Variants in PPP2R5A observed in about 807,000 individuals in gnomAD.
PPP2R5A encodes protein phosphatase 2 regulatory subunit B'alpha.
A neutral mutation model predicts 64.2 loss-of-function variants in PPP2R5A; 25 were observed. The ratio of observed to expected loss-of-function variants is 0.39; its 90% confidence interval spans 0.28 to 0.54. PPP2R5A has a LOEUF of 0.54. PPP2R5A is among the 20% of genes least tolerant of loss of function. The probability of loss-of-function intolerance (pLI) is 0.67; values close to 1 mark genes in which losing one functional copy is unlikely to be tolerated. For synonymous variants in PPP2R5A, 198 were observed against 201.2 expected, an observed-to-expected ratio of 0.98 and a Z score of 0.13; for missense variants, 425 against 576.3, an observed-to-expected ratio of 0.74 and a Z score of 2.69.
Position 212,285,476 on chromosome 1 carries a change from C to A in PPP2R5A, c.-635C>A, listed in dbSNP as rs567689344. The A allele has an allele frequency of 6.5e-6, 1 of 152,736 alleles. No homozygotes were observed. The highest frequency in any genetic ancestry group is 2.1e-4 in the South Asian group (1 of 4,844). 9.5% of individuals were successfully genotyped at this position (152,736 alleles called of 1,614,324 possible). ...TCGCCTGGGGTTCTCCGTGGGCGGC[C>A]GACGGGCGCGTGGGGGAGGGGGTTC... On this transcript the variant is annotated 5_prime_UTR_variant, in exon 1 of 13. Transcript: ENST00000261461.
chr1:212,323,916 A>G (rs1227380210), intron 1 of PPP2R5A, among the ~76,000 whole-genome samples: 1 of 152,042 alleles, frequency 6.6e-6, no homozygotes, highest in African/African-American at 2.4e-5. Context: ...TACTAAAAAT[A>G]GAAAAATTAG....
At chr1:212,300,340 A>G (rs1400050602) in intron 1 of PPP2R5A, among the ~76,000 whole-genome samples, 1 of 152,228 alleles carries the variant, frequency 6.6e-6, no homozygotes, top group Non-Finnish European at 1.5e-5. Flanking sequence ...ATAATACAAT[A>G]CTTGCTGTGA....
chr1:212,322,539 T>C (rs1288674458), intron 1 of PPP2R5A, among the ~76,000 whole-genome samples: 1 of 152,108 alleles, frequency 6.6e-6, no homozygotes, highest in Non-Finnish European at 1.5e-5. Flanking sequence ...AAAAATGTTT[T>C]TGACCTATAT....
At chr1:212,315,013 T>C (rs1257723413) in intron 1 of PPP2R5A, among the ~76,000 whole-genome samples, 1 of 152,198 alleles carries the variant, frequency 6.6e-6, no homozygotes, top group Non-Finnish European at 1.5e-5. Context: ...AGCCTAATAA[T>C]TGTTTTAAGC....
chr1:212,323,769 T>C (rs889141535), intron 1 of PPP2R5A, among the ~76,000 whole-genome samples: 4 of 152,140 alleles, frequency 2.6e-5, no homozygotes, highest in Admixed American at 2.6e-4. Context: ...GAGAAAGTCT[T>C]TTTTAAAAAA....
At chr1:212,322,033 C>T (rs570765797) in intron 1 of PPP2R5A, among the ~76,000 whole-genome samples, 2,167 of 151,440 alleles carry the variant, frequency 0.014, 49 homozygotes, top group African/African-American at 0.048. Flanking sequence ...CAAAAAAATA[C>T]GAAAACCAGT....
At chr1:212,314,165 A>G (rs1232719409) in intron 1 of PPP2R5A, among the ~76,000 whole-genome samples, 2 of 152,190 alleles carry the variant, frequency 1.3e-5, no homozygotes, top group Non-Finnish European at 2.9e-5. Flanking sequence ...TGGAGAGGCT[A>G]TATGTTGGAG....
At chr1:212,358,878 A>AT (rs1180911103) in intron 12 of PPP2R5A, 91 bp downstream of exon 12, 15 of 980,572 alleles carry the variant, frequency 1.5e-5, no homozygotes, top group Non-Finnish European at 2.1e-5. Context: ...CTCAGTTCAG[A>AT]TTTTCATATT....
Position 212,310,382 on chromosome 1 carries a change from C to T in PPP2R5A, c.182-18753C>T, listed in dbSNP as rs188766002. Among the ~76,000 whole-genome samples the T allele has an allele frequency of 2.9e-4, 44 of 152,178 alleles. No homozygotes were observed. The East Asian group carries it at 7.7e-3, about 27-fold the overall frequency. ...TACAGATCTCCCCATTATCTTTCAC[C>T]AAAACCTCCACTGTTTTTAAGAGTA... On this transcript the variant is annotated intron_variant, in intron 1 of 12. Coordinates refer to ENST00000261461, the MANE Select transcript of PPP2R5A (RefSeq NM_006243.4).
At chr1:212,343,798 AAC>A (rs1659728630) in intron 4 of PPP2R5A, among the ~76,000 whole-genome samples, 1 of 152,218 alleles carries the variant, frequency 6.6e-6, no homozygotes, top group Non-Finnish European at 1.5e-5. Context: ...TTAATACAGT[AAC>A]AGGTTGAGGG....
chr1:212,317,900 C>T lies in PPP2R5A; in HGVS notation c.182-11235C>T, dbSNP rs563517011. Among the ~76,000 whole-genome samples, 25 of 151,392 alleles carry T rather than the reference C, an allele frequency of 1.7e-4. No homozygotes were observed. In the East Asian group the frequency reaches 4.5e-3, roughly 27 times the overall value. On this transcript the variant is annotated intron_variant, in intron 1 of 12. Transcript: ENST00000261461. ...ACTTGGGAGGCTGAGGCAGGAGAAT[C>T]GCTTGAACCTGGGAGGCAGAGGTTG...
chr1:212,334,941 ATATTT>A (rs759141806), intron 3 of PPP2R5A, among the ~76,000 whole-genome samples: 2 of 151,996 alleles, frequency 1.3e-5, no homozygotes, highest in African/African-American at 2.4e-5. Flanking sequence ...ATTTTTCATA[ATATTT>A]TATTTATTTT....
intron 1 of PPP2R5A, among the ~76,000 whole-genome samples, chr1:212,310,673 A>G (rs944015099): frequency 1.3e-5 from 2 of 152,230 alleles, no homozygotes; most frequent in Non-Finnish European, 1.5e-5. Flanking sequence ...TCACAACTTT[A>G]TAGGCCAGAA....
At chr1:212,343,841 G>C (rs1659729104) in intron 4 of PPP2R5A, among the ~76,000 whole-genome samples, 1 of 152,236 alleles carries the variant, frequency 6.6e-6, no homozygotes, top group Non-Finnish European at 1.5e-5. Context: ...TGTTAGTCTA[G>C]AGCTTGAGGT....
At chr1:212,315,320 T>C (rs555399973) in intron 1 of PPP2R5A, among the ~76,000 whole-genome samples, 1 of 152,348 alleles carries the variant, frequency 6.6e-6, no homozygotes, top group South Asian at 2.1e-4. Context: ...ATGAACACTA[T>C]GCTTCTTGGG....
chr1:212,321,038 C>G, intron 1 of PPP2R5A, among the ~76,000 whole-genome samples: 1 of 76,586 alleles, frequency 1.3e-5, no homozygotes, highest in South Asian at 4.8e-4. Flanking sequence ...CCTCACCTCC[C>G]GGACGGGGCG....
At position 212,285,975 on chromosome 1, in the gene PPP2R5A, G is replaced by A; in HGVS notation, c.-136G>A. The A allele has an allele frequency of 1.1e-6, 1 of 876,820 alleles. No individual in the cohort carries two copies. Among genetic ancestry groups the A allele is most frequent in the Non-Finnish European group, 1.5e-6 (1 of 645,748 alleles). 54.3% of individuals were successfully genotyped at this position (876,820 alleles called of 1,614,324 possible). A position where few individuals can be genotyped will look rare whatever the true frequency, so the allele number is the denominator to read the frequency against. The stretch of plus-strand genomic sequence containing the variant: ...GCGAGGAGAAGCTCGGCGGCGTCCC[G>A]GGGCCGGAGGGCCGTGGGGCCGGGG... On this transcript the variant is annotated 5_prime_UTR_variant, in exon 1 of 13. Transcript: ENST00000261461.
At position 212,285,812 on chromosome 1, in the gene PPP2R5A, G is replaced by A. The variant is rs974210949; in HGVS notation, c.-299G>A. 2.7e-5 allele frequency: 8 copies of A among 301,678 alleles called. No individual in the cohort carries two copies. The highest frequency in any genetic ancestry group is 5.2e-5 in the Admixed American group (1 of 19,290). The allele number at this position is 301,678 out of a possible 1,614,324, so 18.7% of individuals were successfully genotyped here. A position where few individuals can be genotyped will look rare whatever the true frequency, so the allele number is the denominator to read the frequency against. ...CTAAACTTCGGGCTCTCTTCCACCC[G>A]CTCTGCGCGCCCAGAGTCAACAACT... On this transcript the variant is annotated 5_prime_UTR_variant, in exon 1 of 13. Transcript: ENST00000261461.
intron 8 of PPP2R5A, among the ~76,000 whole-genome samples, chr1:212,350,920 C>G (rs1659864074): frequency 6.7e-6 from 1 of 149,334 alleles, no homozygotes. Context: ...GGCGGATCAC[C>G]TCAGGTCAGG....
Sources: allele counts gnomAD v4.1 joint callset (sites outside exome capture counted in the v4.1 genomes callset), GRCh38; gene constraint gnomAD v4.1.1; transcripts MANE v1.5; gene names NCBI Gene and HGNC (gene_info 2026-07-23, HGNC 2026-07-21).